Variants in CAPRIN1 observed in about 807,000 individuals in gnomAD.
CAPRIN1 encodes cell cycle associated protein 1.
CAPRIN1 carries 29 observed loss-of-function variants against 100.9 expected under a neutral mutation model. That is an observed-to-expected ratio of 0.29 (90% CI 0.21 to 0.39). The LOEUF is 0.39. CAPRIN1 is among the 10% of genes least tolerant of loss of function. The pLI, the probability that CAPRIN1 is intolerant of heterozygous loss-of-function variation, is 1.00. For missense variants in CAPRIN1, 795 were observed against 876.7 expected, an observed-to-expected ratio of 0.91 and a Z score of 1.18; for synonymous variants, 338 against 307.5, an observed-to-expected ratio of 1.10 and a Z score of -1.04.
chr11:34,090,153 GC>G (rs1174757733), intron 12 of CAPRIN1, 25 bp from the exon 13 acceptor site: 1 of 1,460,902 alleles, frequency 6.8e-7, no homozygotes. Flanking sequence ...GCAGGAAGAA[GC>G]TTTTATTTCT....
At chr11:34,081,687 A>C (rs1297932780) in intron 7 of CAPRIN1, among the ~76,000 whole-genome samples, 1 of 151,432 alleles carries the variant, frequency 6.6e-6, no homozygotes, top group Non-Finnish European at 1.5e-5. Context: ...TAGTAGAGAC[A>C]GGGTTTCACC....
At chr11:34,053,958 A>G (rs181653756) in intron 2 of CAPRIN1, among the ~76,000 whole-genome samples, 1 of 152,204 alleles carries the variant, frequency 6.6e-6, no homozygotes, top group Non-Finnish European at 1.5e-5. Flanking sequence ...TATTTATAAC[A>G]TCTTGAATTT....
intron 2 of CAPRIN1, chr11:34,053,027 C>T (rs1327591238): frequency 2.0e-5 from 21 of 1,040,260 alleles, no homozygotes; most frequent in Middle Eastern, 4.7e-4. Context: ...ATGAAGAGGT[C>T]CCTGCGCGGG....
chr11:34,058,287 C>T (rs1181068689), intron 2 of CAPRIN1, among the ~76,000 whole-genome samples: 2 of 152,196 alleles, frequency 1.3e-5, no homozygotes, highest in East Asian at 3.9e-4. Flanking sequence ...CAGGTGCATG[C>T]CACCACGCCC....
chr11:34,052,265 T>C (rs1490295599), intron 1 of CAPRIN1, 156 bp from the exon 2 acceptor site: 8 of 607,708 alleles, frequency 1.3e-5, no homozygotes, highest in East Asian at 1.0e-4. Flanking sequence ...CCGCGCACTC[T>C]TCCTGCCCTC....
intron 2 of CAPRIN1, chr11:34,053,765 A>G (rs973193351): frequency 3.3e-5 from 5 of 152,220 alleles, no homozygotes; most frequent in Non-Finnish European, 4.4e-5. Flanking sequence ...ATGTATGTAG[A>G]GAAAAGGTCT....
At chr11:34,083,487 C>T (rs775000392) in intron 9 of CAPRIN1, among the ~76,000 whole-genome samples, 6 of 152,184 alleles carry the variant, frequency 3.9e-5, no homozygotes, top group Non-Finnish European at 1.5e-5. Context: ...GTCCTCATGT[C>T]TAGTTCAGTG....
intron 6 of CAPRIN1, among the ~76,000 whole-genome samples, chr11:34,077,846 T>A (rs1160145631): frequency 6.6e-6 from 1 of 152,214 alleles, no homozygotes; most frequent in Non-Finnish European, 1.5e-5. Context: ...TGTTAACATT[T>A]ACTCTGGTCT....
chr11:34,099,175 T>C, intron 18 of CAPRIN1, 128 bp from the exon 19 acceptor site: 3 of 1,495,362 alleles, frequency 2.0e-6, no homozygotes, highest in South Asian at 1.3e-5. Flanking sequence ...CACTGAAGAA[T>C]TGACCTCTTA....
intron 7 of CAPRIN1, 44 bp from the exon 8 acceptor site, chr11:34,082,781 G>T: frequency 6.8e-7 from 1 of 1,475,804 alleles, no homozygotes; most frequent in South Asian, 1.2e-5. Context: ...TAGTATCACT[G>T]ACCTAAAAAT....
chr11:34,090,708 A>G (rs748159724), intron 14 of CAPRIN1, 30 bp downstream of exon 14: 4 of 1,594,414 alleles, frequency 2.5e-6, no homozygotes, highest in South Asian at 1.1e-5. Context: ...TTAATTGCCT[A>G]GTATGTAATA....
chr11:34,054,450 G>A (rs1044094581), intron 2 of CAPRIN1, among the ~76,000 whole-genome samples: 3 of 150,682 alleles, frequency 2.0e-5, no homozygotes, highest in South Asian at 2.1e-4. Flanking sequence ...TTTTTGAGAC[G>A]GAGTTTCGAT....
Position 34,052,486 on chromosome 11 carries a change from T to G in CAPRIN1, c.66T>G (p.Gly22=). The part of the protein sequence containing the change: ...SKSSGPPPPS[G]SSGSEAAAGA... ...CGTCCGGACCGCCACCGCCGTCGGGTTCCTCCGGGAGTGAGGCGGCCGCGG... is the reference window on the plus strand; with the variant it reads ...CGTCCGGACCGCCACCGCCGTCGGGGTCCTCCGGGAGTGAGGCGGCCGCGG... Residue 22 remains glycine, a synonymous_variant, in exon 2 of 19, where the codon GGT becomes GGG. Transcript: ENST00000341394. 1.2e-6 allele frequency: 2 copies of G among 1,607,658 alleles called. No homozygotes were observed. Among genetic ancestry groups the G allele is most frequent in the South Asian group, 2.2e-5 (2 of 90,772 alleles).
chr11:34,079,759 G>C lies in CAPRIN1; in HGVS notation c.820G>C (p.Glu274Gln). Residue 274 changes from glutamate to glutamine, a missense_variant, in exon 7 of 19, where the codon GAA (glutamate) becomes CAA (glutamine). Physicochemically the swap from Glu to Gln is conservative, Grantham distance 29. Around this residue, in one of 3 missense-constraint regions of CAPRIN1, gnomAD observed 648 missense variants for 697.9 expected, o/e 0.93. Transcript: ENST00000341394. ...SAPAVEDQVP[E>Q]AEPEPAEEYT... The stretch of plus-strand genomic sequence containing the variant: ...ACCTGCAGTTGAAGACCAGGTACCT[G>C]AAGCTGGTGAGTATTAGGTGGATAT... The C allele has an allele frequency of 1.2e-6, 2 of 1,613,962 alleles. No individual in the cohort carries two copies. Among genetic ancestry groups the C allele is most frequent in the Non-Finnish European group, 1.7e-6 (2 of 1,179,954 alleles).
intron 2 of CAPRIN1, chr11:34,063,306 T>C (rs1272174416): frequency 1.3e-5 from 2 of 152,178 alleles, no homozygotes; most frequent in Admixed American, 1.3e-4. Context: ...AATGACATTC[T>C]AAGGGGGAGG....
Position 34,096,663 on chromosome 11 carries a change from T to C in CAPRIN1, c.1890T>C (p.Asn630=). ...TGAATGGATACCGGGGCCCTGCCAA[T>C]GGATTCAGAGGTAAAAAAATAAAAA... The part of the protein sequence containing the change: ...GLMNGYRGPA[N]GFRGGYDGYR... Residue 630 remains asparagine, a synonymous_variant, in exon 16 of 19, where the codon AAT becomes AAC. Transcript: ENST00000341394. 1 of 1,599,372 alleles carries C rather than the reference T, an allele frequency of 6.3e-7. No homozygotes were observed.
chr11:34,054,685 C>G (rs1471860246), intron 2 of CAPRIN1, among the ~76,000 whole-genome samples: 3 of 152,306 alleles, frequency 2.0e-5, no homozygotes, highest in African/African-American at 7.2e-5. Context: ...CCTTGGTCTT[C>G]CAAAGTGCTG....
In CAPRIN1 at chr11:34,071,918, C is replaced by T. The variant is rs780844898; in HGVS notation, c.297C>T (p.Tyr99=). 1 of 1,613,036 alleles carries T rather than the reference C, an allele frequency of 6.2e-7. No individual in the cohort carries two copies. Among genetic ancestry groups the T allele is most frequent in the Non-Finnish European group, 8.5e-7 (1 of 1,179,274 alleles). ...CATTTTAGGATGCCGTTTCTAAGTA[C>T]CAGGAAGTCACAAATAATTTGGAGT... ...NQDQLDAVSK[Y]QEVTNNLEFA... is the part of the protein sequence containing the mutation. The change falls in exon 4 of 19, where the codon TAC becomes TAT. Residue 99 remains tyrosine, a synonymous_variant. Coordinates refer to ENST00000341394, the MANE Select transcript of CAPRIN1 (RefSeq NM_005898.5).
chr11:34,078,355 A>G (rs2134113145), intron 6 of CAPRIN1, among the ~76,000 whole-genome samples: 1 of 152,296 alleles, frequency 6.6e-6, no homozygotes, highest in East Asian at 1.9e-4. Flanking sequence ...CCTACTATGT[A>G]TCTATTAATA....
Sources: allele counts gnomAD v4.1 joint callset (sites outside exome capture counted in the v4.1 genomes callset), GRCh38; gene constraint gnomAD v4.1.1; regional missense constraint gnomAD v4.1.1; transcripts MANE v1.5; gene names NCBI Gene and HGNC (gene_info 2026-07-23, HGNC 2026-07-21).